The following ZNF577 variants were observed in gnomAD, a reference collection of about 807,000 sequenced individuals.
ZNF577 encodes zinc finger protein 577.
A neutral mutation model predicts 13.9 loss-of-function variants in ZNF577; 14 were observed. That is an observed-to-expected ratio of 1.00 (90% CI 0.66 to 1.57). The LOEUF is 1.57. ZNF577 is among the 40% of genes most tolerant of loss of function. ZNF577 has a pLI of 0.00. For synonymous variants in ZNF577, 203 were observed against 202.9 expected, an observed-to-expected ratio of 1.00 and a Z score of 0.00; for missense variants, 555 against 579.2, an observed-to-expected ratio of 0.96 and a Z score of 0.43.
chr19:51,831,501 G>T (rs1275691290), intron 9 of ZNF577, among the ~76,000 whole-genome samples: 1 of 149,838 alleles, frequency 6.7e-6, no homozygotes. Flanking sequence ...TTTCTTTCCT[G>T]TCCACTACCA....
At chr19:51,814,563 G>A (rs927316609) in intron 9 of ZNF577, among the ~76,000 whole-genome samples, 6 of 151,742 alleles carry the variant, frequency 4.0e-5, no homozygotes, top group Admixed American at 1.3e-4. Context: ...GTGTGATCTC[G>A]GCTCACTGCA....
At position 51,840,129 on chromosome 19, in the gene ZNF577, A is replaced by G. The variant is rs1341650110; in HGVS notation, c.*375-12T>C. On this transcript the variant is annotated splice_polypyrimidine_tract_variant and intron_variant and NMD_transcript_variant, in intron 8 of 10. Transcript: ENST00000638827. ...TAAATTCCATCGTGCTAGAAAGGAA[A>G]GAGGCAATGCAGCTGATCTTCTACT... The G allele has an allele frequency of 2.0e-5, 3 of 152,240 alleles. No individual in the cohort carries two copies. The East Asian group carries it at 5.8e-4, about 29-fold the overall frequency. The allele number at this position is 152,240 out of a possible 1,614,324, so 9.4% of individuals were successfully genotyped here. A position where few individuals can be genotyped will look rare whatever the true frequency, so the allele number is the denominator to read the frequency against.
At chr19:51,828,400 A>AAAAAGT (rs1375046743) in intron 9 of ZNF577, among the ~76,000 whole-genome samples, 1 of 151,930 alleles carries the variant, frequency 6.6e-6, no homozygotes, top group Non-Finnish European at 1.5e-5. Context: ...AAAGAAAAAG[A>AAAAAGT]AAATAAAAAG....
intron 1 of ZNF577, among the ~76,000 whole-genome samples, chr19:51,881,482 T>G (rs1477691541): frequency 6.6e-6 from 1 of 152,240 alleles, no homozygotes; most frequent in Non-Finnish European, 1.5e-5. Flanking sequence ...TACTCATTAT[T>G]ATTTCCATCC....
Position 51,824,298 on chromosome 19 carries a change from G to C in ZNF577, c.*600-12624C>G. On this transcript the variant is annotated intron_variant and NMD_transcript_variant, in intron 9 of 10. Coordinates refer to the ZNF577 transcript ENST00000638827. The surrounding 1 kb of genome is among the most constrained non-coding windows in gnomAD (Gnocchi z 4.7). ...CTGTATTTTCAACTTTGCATTCTGG[G>C]GTGACACTGCTGTAGAGAGGTTGAA... The C allele has an allele frequency of 6.2e-7, 1 of 1,614,102 alleles. No individual in the cohort carries two copies. The highest frequency in any genetic ancestry group is 2.2e-5 in the East Asian group (1 of 44,874).
intron 5 of ZNF577, among the ~76,000 whole-genome samples, chr19:51,856,333 T>C (rs1219343139): frequency 6.6e-6 from 1 of 152,238 alleles, no homozygotes; most frequent in East Asian, 1.9e-4. Context: ...CAATATATAA[T>C]ACTGCACCAA....
At chr19:51,856,966 T>C (rs1056959559) in intron 5 of ZNF577, among the ~76,000 whole-genome samples, 2 of 152,160 alleles carry the variant, frequency 1.3e-5, no homozygotes, top group African/African-American at 4.8e-5. Flanking sequence ...CGCCTCACTC[T>C]ACCATGTAGA....
chr19:51,828,367 C>CA (rs11307174), intron 9 of ZNF577, among the ~76,000 whole-genome samples: 14,150 of 118,390 alleles, frequency 0.12, 870 homozygotes, highest in East Asian at 0.26. Context: ...GATTCCATCT[C>CA]AAAAAAAAAA....
At chr19:51,885,996 T>C (rs1321689798) in intron 1 of ZNF577, 8 of 152,166 alleles carry the variant, frequency 5.3e-5, no homozygotes, top group African/African-American at 1.7e-4. Context: ...ACTTAGATGA[T>C]TTTCACAACA....
intron 1 of ZNF577, among the ~76,000 whole-genome samples, chr19:51,883,762 G>T (rs2122726816): frequency 6.6e-6 from 1 of 152,206 alleles, no homozygotes; most frequent in South Asian, 2.1e-4. Flanking sequence ...ACTGAATGTG[G>T]ACTAACTATT....
intron 5 of ZNF577, among the ~76,000 whole-genome samples, chr19:51,851,558 A>G (rs1324859103): frequency 1.3e-5 from 2 of 152,176 alleles, no homozygotes; most frequent in Non-Finnish European, 2.9e-5. Context: ...TAAGCTCATC[A>G]GCCATCTCCT....
intron 9 of ZNF577, among the ~76,000 whole-genome samples, chr19:51,812,524 G>A (rs1475513595): frequency 1.3e-5 from 2 of 152,142 alleles, no homozygotes; most frequent in Non-Finnish European, 2.9e-5. Context: ...CATTTGGCTA[G>A]CATGTTCTGT....
At position 51,872,925 on chromosome 19, in the gene ZNF577, T is replaced by C. The variant is rs773042865; in HGVS notation, c.1065A>G (p.Ser355=). The part of the protein sequence containing the change: ...QRTHTGERPY[S]CRECGKAFAH... ...CAAAGGCTTTGCCACATTCTCTGCA[T>C]GAATATGGTCTCTCTCCAGTGTGAG... Residue 355 remains serine (S), a synonymous_variant, in exon 6 of 6, where the codon TCA becomes TCG. Coordinates refer to ENST00000638348, the MANE Select transcript of ZNF577 (RefSeq NM_001370449.1). 8 of 1,614,232 alleles carry C rather than the reference T, an allele frequency of 5.0e-6. No homozygotes were observed. Among genetic ancestry groups the C allele is most frequent in the South Asian group, 4.4e-5 (4 of 91,084 alleles).
intron 9 of ZNF577, among the ~76,000 whole-genome samples, chr19:51,826,724 C>A (rs2084233987): frequency 6.6e-6 from 1 of 152,138 alleles, no homozygotes; most frequent in African/African-American, 2.4e-5. Context: ...ATCAGTTTCC[C>A]TCAAGGCTGA....
chr19:51,857,426 G>GAA (rs374662736), intron 5 of ZNF577, among the ~76,000 whole-genome samples: 12,701 of 94,376 alleles, frequency 0.13, 892 homozygotes, highest in South Asian at 0.21. Flanking sequence ...AAGAAAGAAA[G>GAA]AAAAGAAAAA....
chr19:51,816,450 A>T (rs901278008), intron 9 of ZNF577, among the ~76,000 whole-genome samples: 2 of 152,142 alleles, frequency 1.3e-5, no homozygotes, highest in African/African-American at 4.8e-5. Context: ...GTTTTGCCAC[A>T]TTGGCCAGAC....
At chr19:51,816,502 A>C (rs1443224520) in intron 9 of ZNF577, among the ~76,000 whole-genome samples, 1 of 152,096 alleles carries the variant, frequency 6.6e-6, no homozygotes, top group Non-Finnish European at 1.5e-5. Context: ...CCAGCCTCAG[A>C]CTCTCAAAGT....
At chr19:51,883,767 A>C (rs1273657585) in intron 1 of ZNF577, among the ~76,000 whole-genome samples, 4 of 152,186 alleles carry the variant, frequency 2.6e-5, no homozygotes, top group Admixed American at 2.0e-4. Flanking sequence ...ATGTGGACTA[A>C]CTATTCAATG....
At chr19:51,884,932 G>A (rs953420741) in intron 1 of ZNF577, among the ~76,000 whole-genome samples, 5 of 152,174 alleles carry the variant, frequency 3.3e-5, no homozygotes, top group Admixed American at 3.3e-4. Flanking sequence ...CTATTCTATG[G>A]TGAATAAATC....
Sources: allele counts gnomAD v4.1 joint callset (sites outside exome capture counted in the v4.1 genomes callset), GRCh38; gene constraint gnomAD v4.1.1; non-coding constraint Gnocchi (gnomAD v3.1); transcripts MANE v1.5; gene names NCBI Gene and HGNC (gene_info 2026-07-23, HGNC 2026-07-21).